Variants in LAMB4 observed in about 807,000 individuals in gnomAD.
LAMB4 encodes laminin subunit beta 4.
LAMB4 carries 196 observed loss-of-function variants against 199.2 expected under a neutral mutation model. The observed-to-expected ratio is 0.98, with a 90% CI of 0.88 to 1.11. The LOEUF (loss-of-function observed/expected upper bound fraction) is 1.11. Among genes scored for constraint, LAMB4 ranks in the 50% least tolerant of loss-of-function variants. The probability of loss-of-function intolerance (pLI) is 0.00; values close to 1 mark genes in which losing one functional copy is unlikely to be tolerated. For missense variants in LAMB4, 2,080 were observed against 2,171.2 expected (o/e 0.96, Z 0.83); for synonymous variants, 744 against 770.6 (o/e 0.97, Z 0.57).
rs180944885 is a variant in LAMB4, at chr7:108,126,229, A to G, written c.-33-3032T>C. Among the ~76,000 whole-genome samples, 75 of 152,330 alleles carry G rather than the reference A, an allele frequency of 4.9e-4. 2 individuals carry two copies. The East Asian group carries it at 0.013, about 26-fold the overall frequency. On this transcript the variant is annotated intron_variant, in intron 1 of 33. Transcript: ENST00000388781. ...ATTTATTTTTAATTGTGGTAGAAAT[A>G]CACCTACATAAAATTGACCATCTTA... is the stretch of plus-strand genomic sequence containing the variant.
At chr7:108,127,262 A>G (rs901719145) in intron 1 of LAMB4, among the ~76,000 whole-genome samples, 1 of 149,478 alleles carries the variant, frequency 6.7e-6, no homozygotes, top group Non-Finnish European at 1.5e-5. Context: ...TCTGGGGTTA[A>G]GGCCCCGACA....
rs1244650538 is a variant in LAMB4 at position 108,033,391 on chromosome 7, ACTT to A, written c.4818+814_4818+816del. On this transcript the variant is annotated intron_variant, in intron 31 of 33. Transcript: ENST00000388781. ...CAACCCCTTTATTTCCTCGTGTATTACTTCTTGTTCTGTTGCTTTCTGCTTTGT... is the reference window on the plus strand; with the variant it reads ...CAACCCCTTTATTTCCTCGTGTATTACTTGTTCTGTTGCTTTCTGCTTTGT... Among the ~76,000 whole-genome samples the A allele has an allele frequency of 2.0e-5, 3 of 151,798 alleles. No homozygotes were observed. The East Asian group carries it at 5.8e-4, about 29-fold the overall frequency.
At chr7:108,107,494 T>C in intron 6 of LAMB4, 137 bp downstream of exon 6, 1 of 647,616 alleles carries the variant, frequency 1.5e-6, no homozygotes, top group South Asian at 2.1e-5. Flanking sequence ...TCATTTCAGT[T>C]TAGACACTTT....
Position 108,045,726 on chromosome 7 carries a change from T to G in LAMB4, c.4327-1830A>C, listed in dbSNP as rs74502230. Reference sequence around the variant, plus strand: ...CATAAGACCAGGATTTACATTGCTATGTTTGCTGCTGTATTCTCAACTTGT... The same window carrying G: ...CATAAGACCAGGATTTACATTGCTAGGTTTGCTGCTGTATTCTCAACTTGT... On this transcript the variant is annotated intron_variant, in intron 28 of 33. Coordinates refer to ENST00000388781, the MANE Select transcript of LAMB4 (RefSeq NM_007356.3). 1.1e-3 allele frequency among the ~76,000 whole-genome samples: 168 copies of G among 152,366 alleles called. 2 individuals carry two copies. The highest frequency in any genetic ancestry group is 3.8e-3 in the African/African-American group (159 of 41,584).
intron 29 of LAMB4, among the ~76,000 whole-genome samples, chr7:108,039,851 G>A (rs2035359668): frequency 6.6e-6 from 1 of 152,186 alleles, no homozygotes; most frequent in Non-Finnish European, 1.5e-5. Flanking sequence ...TTGAAAACCA[G>A]CACAAGACAA....
chr7:108,109,044 G>T (rs2038125386), intron 5 of LAMB4, 127 bp downstream of exon 5: 1 of 687,378 alleles, frequency 1.5e-6, no homozygotes, highest in Admixed American at 2.6e-5. Context: ...AGCTCAGGTG[G>T]CAAAGGTCAA....
intron 18 of LAMB4, among the ~76,000 whole-genome samples, chr7:108,069,494 C>A (rs77886872): frequency 0.013 from 1,909 of 152,282 alleles, 47 homozygotes; most frequent in African/African-American, 0.043. Flanking sequence ...AGCCATCTAG[C>A]CTATAAATGC....
At chr7:108,069,534 A>G (rs574677274) in intron 18 of LAMB4, among the ~76,000 whole-genome samples, 174 bp downstream of exon 18, 2 of 152,310 alleles carry the variant, frequency 1.3e-5, no homozygotes, top group South Asian at 4.1e-4. Context: ...TATACACTCA[A>G]TGTACTGTGC....
Position 108,121,582 on chromosome 7 carries a change from T to C in LAMB4, c.34+1549A>G, listed in dbSNP as rs2038600053. Among the ~76,000 whole-genome samples the C allele has an allele frequency of 3.3e-5, 5 of 152,062 alleles. No homozygotes were observed. The South Asian group carries it at 1.0e-3, about 32-fold the overall frequency. On this transcript the variant is annotated intron_variant, in intron 2 of 33. Coordinates refer to ENST00000388781, the MANE Select transcript of LAMB4 (RefSeq NM_007356.3). ...CTGGCCAACATGGTGAAACCCTGTC[T>C]CTACTAAAAATACAAAAAATTAGCT... is the stretch of plus-strand genomic sequence containing the variant.
rs913093137 is a variant in LAMB4, at chr7:108,107,836, A to G, written c.403-17T>C. 1 of 1,557,148 alleles carries G rather than the reference A, an allele frequency of 6.4e-7. No homozygotes were observed. The highest frequency in any genetic ancestry group is 2.2e-5 in the Admixed American group (1 of 46,126). ...CCGAAAAGTCTAGGAAAAATGAGTA[A>G]AAGTTGGCACATTTCACAAAGGCAG... On this transcript the variant is annotated splice_polypyrimidine_tract_variant and intron_variant, in intron 5 of 33. Coordinates refer to ENST00000388781, the MANE Select transcript of LAMB4 (RefSeq NM_007356.3).
At chr7:108,094,788 A>G (rs76110129) in intron 12 of LAMB4, among the ~76,000 whole-genome samples, 1,847 of 152,316 alleles carry the variant, frequency 0.012, 34 homozygotes, top group African/African-American at 0.042. Context: ...AATCTAAAAT[A>G]CATTAAACCT....
At chr7:108,025,390 T>TTCTTTCTTTCTTTCCTTTCTTTC (rs1563024601) in intron 33 of LAMB4, among the ~76,000 whole-genome samples, 35 of 56,746 alleles carry the variant, frequency 6.2e-4, no homozygotes, top group African/African-American at 5.5e-3. Flanking sequence ...TTTCTTTTCT[T>TTCTTTCTTTCTTTCCTTTCTTTC]TTCTTTCTTT....
At chr7:108,082,624 T>C (rs1310483144) in intron 14 of LAMB4, among the ~76,000 whole-genome samples, 1 of 152,192 alleles carries the variant, frequency 6.6e-6, no homozygotes, top group Non-Finnish European at 1.5e-5. Flanking sequence ...CTATTGATAA[T>C]TTTCTTCAAT....
At chr7:108,019,717 C>T (rs191806408), downstream of LAMB4, among the ~76,000 whole-genome samples, 2 of 152,154 alleles carry the variant, frequency 1.3e-5, no homozygotes, top group Admixed American at 1.3e-4. Flanking sequence ...GTGGAGAAGT[C>T]CTATTACCAA....
intron 33 of LAMB4, 94 bp from the exon 34 acceptor site, chr7:108,024,272 C>T: frequency 3.4e-6 from 2 of 594,758 alleles, no homozygotes; most frequent in South Asian, 4.0e-5. Flanking sequence ...TTATGCGCCT[C>T]TCAAAGATAT....
chr7:108,126,383 C>G (rs1378937535), intron 1 of LAMB4, among the ~76,000 whole-genome samples: 2 of 151,948 alleles, frequency 1.3e-5, no homozygotes, highest in East Asian at 3.9e-4. Context: ...TCATGTCTCC[C>G]CGAGCCCCTG....
At chr7:108,018,410 G>T in the LAMB4 span, among the ~76,000 whole-genome samples, 1 of 152,194 alleles carries the variant, frequency 6.6e-6, no homozygotes, top group Non-Finnish European at 1.5e-5. Flanking sequence ...GTCGTGGCTG[G>T]TTGTATCCCT....
intron 30 of LAMB4, among the ~76,000 whole-genome samples, chr7:108,035,133 C>G (rs1454987988): frequency 6.6e-6 from 1 of 152,158 alleles, no homozygotes. Flanking sequence ...CCTCATCATC[C>G]CACCGCCACC....
At chr7:108,062,600 T>C (rs1584661318) in intron 23 of LAMB4, 174 bp downstream of exon 23, 1 of 395,400 alleles carries the variant, frequency 2.5e-6, no homozygotes, top group Admixed American at 4.5e-5. Flanking sequence ...GCTCATTCTC[T>C]TTTTTTGGTT....
Sources: gnomAD v4.1 joint callset for allele counts (sites outside exome capture counted in the v4.1 genomes callset) on GRCh38, gnomAD v4.1.1 for gene constraint, MANE v1.5 for transcripts, NCBI Gene and HGNC (gene_info 2026-07-23, HGNC 2026-07-21) for gene names.